Variants in IGSF21 observed in about 807,000 individuals in gnomAD.
The protein encoded by IGSF21 is immunoglobulin superfamily member 21.
Under a neutral mutation model 46.8 loss-of-function variants are expected in IGSF21, and 28 were observed. The ratio of observed to expected loss-of-function variants is 0.60; its 90% CI spans 0.44 to 0.82. IGSF21 has a LOEUF of 0.82. Among genes scored for constraint, IGSF21 ranks in the 40% least tolerant of loss-of-function variants. The probability of loss-of-function intolerance (pLI) is 0.00; values close to 1 mark genes in which losing one functional copy is unlikely to be tolerated. For synonymous variants in IGSF21, 284 were observed against 273.6 expected (o/e 1.04, Z -0.38); for missense variants, 624 against 665.5 (o/e 0.94, Z 0.69).
intron 5 of IGSF21, among the ~76,000 whole-genome samples, chr1:18,363,076 G>T (rs1157599554): frequency 6.6e-6 from 1 of 152,206 alleles, no homozygotes; most frequent in African/African-American, 2.4e-5. Context: ...AAAGTGAAGA[G>T]AGGCCAAGTC....
intron 1 of IGSF21, among the ~76,000 whole-genome samples, chr1:18,172,289 GTC>G (rs1319782266): frequency 6.6e-6 from 1 of 152,220 alleles, no homozygotes; most frequent in Non-Finnish European, 1.5e-5. Flanking sequence ...TTTGGTAAGA[GTC>G]TGTTTTCCTG....
chr1:18,198,762 G>C (rs2087035770), intron 1 of IGSF21, among the ~76,000 whole-genome samples: 1 of 152,196 alleles, frequency 6.6e-6, no homozygotes, highest in Non-Finnish European at 1.5e-5. Context: ...TCCGATGGCA[G>C]AGTGACGCCA....
At chr1:18,203,404 G>A (rs994251244) in intron 1 of IGSF21, among the ~76,000 whole-genome samples, 1 of 152,170 alleles carries the variant, frequency 6.6e-6, no homozygotes, top group African/African-American at 2.4e-5. Context: ...CGCCATCCAG[G>A]TTCAAGCGAT....
At chr1:18,351,212 G>A (rs959039042) in intron 4 of IGSF21, among the ~76,000 whole-genome samples, 1 of 151,064 alleles carries the variant, frequency 6.6e-6, no homozygotes, top group Non-Finnish European at 1.5e-5. Flanking sequence ...TAAAAAAGCC[G>A]TAACAACTAG....
chr1:18,254,875 C>CAT (rs1340746554), intron 2 of IGSF21, among the ~76,000 whole-genome samples: 1 of 152,098 alleles, frequency 6.6e-6, no homozygotes, highest in Non-Finnish European at 1.5e-5. Flanking sequence ...TCCATCCATC[C>CAT]ATCCATCCAT....
intron 1 of IGSF21, among the ~76,000 whole-genome samples, chr1:18,144,302 C>T (rs571258710): frequency 6.6e-5 from 10 of 152,196 alleles, no homozygotes; most frequent in East Asian, 1.9e-4. Flanking sequence ...AGTCCACAGG[C>T]GGCTCACAGA....
At chr1:18,220,611 AAT>A (rs1455524386) in intron 1 of IGSF21, among the ~76,000 whole-genome samples, 1 of 152,084 alleles carries the variant, frequency 6.6e-6, no homozygotes, top group Non-Finnish European at 1.5e-5. Flanking sequence ...GCATACCCTG[AAT>A]ATGTCATTAC....
intron 1 of IGSF21, among the ~76,000 whole-genome samples, chr1:18,227,295 A>G (rs61762152): frequency 1.3e-5 from 2 of 151,906 alleles, no homozygotes; most frequent in African/African-American, 4.8e-5. Flanking sequence ...TCATTTGTTT[A>G]TGAGGTTGGA....
At chr1:18,367,645 A>G (rs2086181409) in intron 6 of IGSF21, among the ~76,000 whole-genome samples, 1 of 114,362 alleles carries the variant, frequency 8.7e-6, no homozygotes, top group Non-Finnish European at 1.7e-5. Context: ...TGGCTCTGTC[A>G]CACCCAGGCT....
intron 1 of IGSF21, among the ~76,000 whole-genome samples, chr1:18,198,292 C>T (rs2087029449): frequency 6.6e-6 from 1 of 152,144 alleles, no homozygotes; most frequent in African/African-American, 2.4e-5. Context: ...GGGAGTAGGA[C>T]CTGCCCAAGT....
intron 1 of IGSF21, among the ~76,000 whole-genome samples, chr1:18,209,557 C>T (rs893466914): frequency 1.1e-4 from 16 of 151,322 alleles, no homozygotes; most frequent in Non-Finnish European, 2.2e-4. Context: ...TGGGTTCATG[C>T]GATTCTCCTG....
At chr1:18,250,830 C>T (rs1037977562) in intron 2 of IGSF21, among the ~76,000 whole-genome samples, 2 of 152,136 alleles carry the variant, frequency 1.3e-5, no homozygotes, top group Non-Finnish European at 2.9e-5. Flanking sequence ...CAAACAAGAT[C>T]TCTGCTTTAG....
Position 18,135,488 on chromosome 1 carries a change from A to T in IGSF21, c.70+27290A>T, listed in dbSNP as rs1251361384. On this transcript the variant is annotated intron_variant, in intron 1 of 9. Transcript: ENST00000251296. ...CATGTGTTCTCATTGTTCAATTCCC[A>T]CCTATGAGTGAGAACATGCGGTGTT... is the stretch of plus-strand genomic sequence containing the variant. 2.2e-5 allele frequency among the ~76,000 whole-genome samples: 3 copies of T among 137,974 alleles called. No homozygotes were observed. The South Asian group carries it at 6.7e-4, about 31-fold the overall frequency. 90.5% of individuals were successfully genotyped at this position (137,974 alleles called of 152,430 possible). A position where few individuals can be genotyped will look rare whatever the true frequency, so the allele number is the denominator to read the frequency against.
At chr1:18,333,948 A>C (rs1294280528) in intron 3 of IGSF21, among the ~76,000 whole-genome samples, 2 of 152,246 alleles carry the variant, frequency 1.3e-5, no homozygotes, top group Non-Finnish European at 2.9e-5. Flanking sequence ...GTGAAATTCA[A>C]ATTTAAATGA....
rs138823732 is a variant in IGSF21, at chr1:18,280,242, C to T, written c.184-11624C>T. Among the ~76,000 whole-genome samples, 494 of 152,260 alleles carry T rather than the reference C, an allele frequency of 3.2e-3. 2 individuals are homozygous for T. Among genetic ancestry groups the T allele is most frequent in the African/African-American group, 0.011 (473 of 41,550 alleles). ...AGGACTCTGCCATGCTCCCGCCCCCCACACCTGCCCTGTTGACTGGTGGGA... is the reference window on the plus strand; with the variant it reads ...AGGACTCTGCCATGCTCCCGCCCCCTACACCTGCCCTGTTGACTGGTGGGA... On this transcript the variant is annotated intron_variant, in intron 2 of 9. Transcript: ENST00000251296.
At chr1:18,304,064 G>C (rs1569769324) in intron 3 of IGSF21, among the ~76,000 whole-genome samples, 1 of 152,152 alleles carries the variant, frequency 6.6e-6, no homozygotes, top group African/African-American at 2.4e-5. Context: ...AGAAGAAATG[G>C]GGATGAATTA....
intron 1 of IGSF21, among the ~76,000 whole-genome samples, chr1:18,214,941 C>T (rs959392352): frequency 1.3e-5 from 2 of 152,168 alleles, no homozygotes; most frequent in Non-Finnish European, 2.9e-5. Context: ...GGGGTTTCAC[C>T]ATGTTGGGCA....
intron 1 of IGSF21, among the ~76,000 whole-genome samples, chr1:18,129,741 T>C (rs2086301598): frequency 6.6e-6 from 1 of 152,186 alleles, no homozygotes; most frequent in Non-Finnish European, 1.5e-5. Context: ...GTCTGTCTCC[T>C]CCAAAACTCA....
At chr1:18,211,383 C>A (rs1010976604) in intron 1 of IGSF21, among the ~76,000 whole-genome samples, 2 of 152,236 alleles carry the variant, frequency 1.3e-5, no homozygotes, top group South Asian at 4.1e-4. Flanking sequence ...GAGAGCAAAG[C>A]CACGCTGCAT....
Sources: gnomAD v4.1 joint callset for allele counts (sites outside exome capture counted in the v4.1 genomes callset) on GRCh38, gnomAD v4.1.1 for gene constraint, MANE v1.5 for transcripts, NCBI Gene and HGNC (gene_info 2026-07-23, HGNC 2026-07-21) for gene names.